Variants in SAMD8 observed in about 807,000 individuals in gnomAD.
SAMD8 encodes the protein sterile alpha motif domain containing 8.
SAMD8 carries 20 observed loss-of-function variants against 42.0 expected under a neutral mutation model. The ratio of observed to expected loss-of-function variants is 0.48; its 90% CI spans 0.34 to 0.69. The LOEUF is 0.69. Ranked by LOEUF, SAMD8 falls within the 30% of genes least tolerant of loss-of-function variation. The pLI, the probability that SAMD8 is intolerant of heterozygous loss-of-function variation, is 0.01. For synonymous variants in SAMD8, 162 were observed against 173.0 expected, an observed-to-expected ratio of 0.94 and a Z score of 0.50; for missense variants, 328 against 511.6, an observed-to-expected ratio of 0.64 and a Z score of 3.46.
chr10:75,174,867 T>C (rs1840955408), intron 4 of SAMD8, among the ~76,000 whole-genome samples: 1 of 152,182 alleles, frequency 6.6e-6, no homozygotes, highest in African/African-American at 2.4e-5. Flanking sequence ...TAACTGGAAA[T>C]TCAAAGTGGC....
At chr10:75,160,354 G>A (rs2657284) in intron 2 of SAMD8, among the ~76,000 whole-genome samples, 82,563 of 150,442 alleles carry the variant, frequency 0.55, 24,351 homozygotes, top group East Asian at 0.9. Context: ...CCGCCACCAC[G>A]CCAGGCTAAT....
chr10:75,100,622 T>G (rs1222253541), intron 1 of SAMD8, among the ~76,000 whole-genome samples: 1 of 152,100 alleles, frequency 6.6e-6, no homozygotes, highest in African/African-American at 2.4e-5. Context: ...CGAGCTCCCC[T>G]CCCACTCCCT....
chr10:75,177,888 T>C lies in SAMD8; in HGVS notation c.*1196T>C, dbSNP rs1841018134. The C allele has an allele frequency of 6.6e-6, 1 of 152,228 alleles. No individual in the cohort carries two copies. The highest frequency in any genetic ancestry group is 2.1e-4 in the South Asian group (1 of 4,830). 9.4% of individuals were successfully genotyped at this position (152,228 alleles called of 1,614,324 possible). A position where few individuals can be genotyped will look rare whatever the true frequency, so the allele number is the denominator to read the frequency against. ...ATTTCACATCTATGATAACATTTGT[T>C]ACTTTATTTTTAATGATTTTTTTAC... On this transcript the variant is annotated 3_prime_UTR_variant, in exon 6 of 6. Transcript: ENST00000542569.
At chr10:75,172,368 G>A (rs1361669698) in intron 4 of SAMD8, among the ~76,000 whole-genome samples, 3 of 151,916 alleles carry the variant, frequency 2.0e-5, no homozygotes, top group African/African-American at 7.3e-5. Flanking sequence ...TTCTCGCTTT[G>A]TCACCCAGGC....
In SAMD8 at chr10:75,178,402, A is replaced by G. The variant is rs1436108025; in HGVS notation, c.*1710A>G. The G allele has an allele frequency of 6.6e-6, 1 of 152,268 alleles. No individual in the cohort carries two copies. Among genetic ancestry groups the G allele is most frequent in the Non-Finnish European group, 1.5e-5 (1 of 68,044 alleles). 9.4% of individuals were successfully genotyped at this position (152,268 alleles called of 1,614,324 possible). A position where few individuals can be genotyped will look rare whatever the true frequency, so the allele number is the denominator to read the frequency against. ...TCTCATGTAAAGAAGTTGCATAATCATGAAAAATAAAGGATGTTTCCTATG... is the reference window on the plus strand; with the variant it reads ...TCTCATGTAAAGAAGTTGCATAATCGTGAAAAATAAAGGATGTTTCCTATG... On this transcript the variant is annotated 3_prime_UTR_variant, in exon 6 of 6. Transcript: ENST00000542569.
At chr10:75,127,504 T>A (rs1720833450) in intron 1 of SAMD8, among the ~76,000 whole-genome samples, 1 of 152,188 alleles carries the variant, frequency 6.6e-6, no homozygotes, top group Non-Finnish European at 1.5e-5. Flanking sequence ...GAGGATTATT[T>A]GGGCATATAA....
intron 1 of SAMD8, chr10:75,101,981 T>A: frequency 1.5e-6 from 2 of 1,364,612 alleles, no homozygotes; most frequent in Non-Finnish European, 2.0e-6. Context: ...GATTTGAGTT[T>A]AATTATAAAG....
chr10:75,151,298 GT>G (rs1840282770), intron 2 of SAMD8, among the ~76,000 whole-genome samples, 192 bp downstream of exon 2: 1 of 152,138 alleles, frequency 6.6e-6, no homozygotes, highest in East Asian at 1.9e-4. Context: ...GCCTAGGTGT[GT>G]GAGAAAAACC....
chr10:75,145,178 G>A (rs1357980882), intron 1 of SAMD8, among the ~76,000 whole-genome samples: 3 of 152,102 alleles, frequency 2.0e-5, no homozygotes, highest in Middle Eastern at 3.4e-3. Flanking sequence ...ACTCCTGGCC[G>A]CAAGGGATCC....
chr10:75,112,880 A>G (rs950194440), intron 1 of SAMD8, among the ~76,000 whole-genome samples: 5 of 152,202 alleles, frequency 3.3e-5, no homozygotes, highest in Non-Finnish European at 7.3e-5. Context: ...TGTATGGTCA[A>G]TGCAAGTTTC....
intron 1 of SAMD8, among the ~76,000 whole-genome samples, chr10:75,122,274 T>C (rs1849021196): frequency 6.6e-6 from 1 of 152,320 alleles, no homozygotes; most frequent in African/African-American, 2.4e-5. Flanking sequence ...TTGCTATTTT[T>C]TGGGACATTG....
chr10:75,171,291 C>T (rs562238231), intron 4 of SAMD8, among the ~76,000 whole-genome samples: 8 of 150,936 alleles, frequency 5.3e-5, no homozygotes, highest in East Asian at 3.9e-4. Context: ...CTCAGCCTCC[C>T]GAGTAGCTGG....
At chr10:75,108,264 A>T (rs1417603352), upstream of SAMD8, 3 of 1,537,038 alleles carry the variant, frequency 2.0e-6, no homozygotes, top group African/African-American at 1.4e-5. Flanking sequence ...ACCAGGAGGG[A>T]GGCTGTGCCT....
rs1841045870 is a variant in SAMD8 at position 75,179,561 on chromosome 10, A to G, written c.*2869A>G. 1 of 152,234 alleles carries G rather than the reference A, an allele frequency of 6.6e-6. No homozygotes were observed. The highest frequency in any genetic ancestry group is 1.5e-5 in the Non-Finnish European group (1 of 68,038). 9.4% of individuals were successfully genotyped at this position (152,234 alleles called of 1,614,324 possible). A position where few individuals can be genotyped will look rare whatever the true frequency, so the allele number is the denominator to read the frequency against. ...CTCATATATGTTTTGAGAAAAATGT[A>G]AGTTAGGTATAACTTATTGTTTTAA... On this transcript the variant is annotated 3_prime_UTR_variant, in exon 6 of 6. Transcript: ENST00000542569.
At chr10:75,106,807 T>C (rs555512270), upstream of SAMD8, among the ~76,000 whole-genome samples, 15 of 152,332 alleles carry the variant, frequency 9.8e-5, no homozygotes, top group South Asian at 2.1e-4. Context: ...AATGGATAAA[T>C]AGCAAAAGAA....
chr10:75,108,239 C>T (rs531060792), upstream of SAMD8: 149 of 1,566,652 alleles, frequency 9.5e-5, 1 homozygote, highest in South Asian at 1.5e-3. Context: ...CACTTGATGC[C>T]GGCCAAGCCA....
intron 1 of SAMD8, among the ~76,000 whole-genome samples, chr10:75,138,657 C>CTCTTATCTGAGAGATT (rs1839948868): frequency 6.6e-6 from 1 of 152,050 alleles, no homozygotes; most frequent in Non-Finnish European, 1.5e-5. Flanking sequence ...TGCTCTTAGG[C>CTCTTATCTGAGAGATT]TGCTGAAATC....
chr10:75,140,771 A>T (rs1253900811), intron 1 of SAMD8, among the ~76,000 whole-genome samples: 2 of 152,242 alleles, frequency 1.3e-5, no homozygotes, highest in South Asian at 2.1e-4. Context: ...AAATGTATCA[A>T]TATCTACAAA....
intron 1 of SAMD8, among the ~76,000 whole-genome samples, chr10:75,117,272 A>G (rs1164092993): frequency 6.6e-6 from 1 of 151,752 alleles, no homozygotes; most frequent in Non-Finnish European, 1.5e-5. Context: ...AAAATACAAA[A>G]ATTAGCCGGG....
Sources: gnomAD v4.1 joint callset for allele counts (sites outside exome capture counted in the v4.1 genomes callset) on GRCh38, gnomAD v4.1.1 for gene constraint, MANE v1.5 for transcripts, NCBI Gene and HGNC (gene_info 2026-07-23, HGNC 2026-07-21) for gene names.